Variants in HPN observed in about 807,000 individuals in gnomAD.
HPN encodes the protein serine protease hepsin.
A neutral mutation model predicts 55.9 loss-of-function variants in HPN; 13 were observed. The ratio of observed to expected loss-of-function variants is 0.23; its 90% CI spans 0.15 to 0.37. The LOEUF (loss-of-function observed/expected upper bound fraction) is 0.37, where lower values mean the gene tolerates loss of function less well. Ranked by LOEUF, HPN falls within the 10% of genes least tolerant of loss-of-function variation. HPN has a pLI of 1.00. For missense variants in HPN, 451 were observed against 575.8 expected (o/e 0.78, Z 2.22); for synonymous variants, 225 against 240.3 (o/e 0.94, Z 0.59).
chr19:35,059,907 G>A lies in HPN; in HGVS notation c.324G>A (p.Thr108=), dbSNP rs368366820. The change falls in exon 6 of 13, where the codon ACG becomes ACA. Residue 108 remains threonine (T), a synonymous_variant. Coordinates refer to ENST00000672452, the MANE Select transcript of HPN (RefSeq NM_001384133.1). Reference sequence around the variant, plus strand: ...CCCACTCCGAGCTGGACGTGCGAACGGCGGGCGCCAATGGCACGTCGGGCT... The same window carrying A: ...CCCACTCCGAGCTGGACGTGCGAACAGCGGGCGCCAATGGCACGTCGGGCT... ...ALTHSELDVR[T]AGANGTSGFF... 36 of 1,499,248 alleles carry A rather than the reference G, an allele frequency of 2.4e-5. No individual in the cohort carries two copies. Among genetic ancestry groups the A allele is most frequent in the African/African-American group, 2.4e-4 (17 of 71,732 alleles). The allele number at this position is 1,499,248 out of a possible 1,614,324, so 92.9% of individuals were successfully genotyped here.
At chr19:35,066,184 G>A in intron 12 of HPN, 65 bp from the exon 13 acceptor site, 2 of 1,613,858 alleles carry the variant, frequency 1.2e-6, no homozygotes, top group Non-Finnish European at 1.7e-6. Flanking sequence ...TCCTGGGGAA[G>A]GGAAGCCAGT....
chr19:35,042,797 A>C (rs771457011), intron 2 of HPN, among the ~76,000 whole-genome samples: 1 of 152,126 alleles, frequency 6.6e-6, no homozygotes, highest in Non-Finnish European at 1.5e-5. Flanking sequence ...CTAACTCTGG[A>C]CTTGTCCTCT....
Position 35,055,305 on chromosome 19 carries a change from G to A in HPN, c.161-4368G>A, listed in dbSNP as rs545759735. On this transcript the variant is annotated intron_variant, in intron 4 of 12. Transcript: ENST00000672452. ...CTAGCTACTTGGGAGGTTGAGGCGG[G>A]AGGATCGTTTGAGCCCAGGAGGTTG... Among the ~76,000 whole-genome samples, 13 of 152,126 alleles carry A rather than the reference G, an allele frequency of 8.5e-5. 1 individual carries two copies. The South Asian group carries it at 2.7e-3, about 32-fold the overall frequency.
chr19:35,050,407 C>G, intron 4 of HPN: 1 of 817,766 alleles, frequency 1.2e-6, no homozygotes, highest in East Asian at 6.7e-5. Flanking sequence ...CAGGCATGAG[C>G]CACTGCGCCT....
Position 35,065,258 on chromosome 19 carries a change from C to T in HPN, c.820C>T (p.Gln274Ter). ...CATTGTCTCTCTCACAGAATACATCCAGCCTGTGTGCCTCCCAGCTGCCGG... is the reference window on the plus strand; with the variant it reads ...CATTGTCTCTCTCACAGAATACATCTAGCCTGTGTGCCTCCCAGCTGCCGG... ...SSPLPLTEYI[Q>*]PVCLPAAGQA... Residue 274 changes from glutamine to a stop codon, truncating the protein, a stop_gained, in exon 10 of 13, where the codon CAG (glutamine) becomes TAG (stop). Transcript: ENST00000672452. LOFTEE classifies it high-confidence loss of function. The T allele has an allele frequency of 6.2e-7, 1 of 1,612,734 alleles. No individual in the cohort carries two copies. The highest frequency in any genetic ancestry group is 8.5e-7 in the Non-Finnish European group (1 of 1,179,212).
At chr19:35,048,082 A>AAGAAAAAAAAGG in intron 2 of HPN, among the ~76,000 whole-genome samples, 2 of 97,034 alleles carry the variant, frequency 2.1e-5, no homozygotes, top group East Asian at 6.3e-4. Context: ...GAAAGAAAGA[A>AAGAAAAAAAAGG]AAGGAAGGAA....
intron 4 of HPN, among the ~76,000 whole-genome samples, chr19:35,057,630 TAGAC>T (rs1405336590): frequency 1.3e-5 from 2 of 152,106 alleles, no homozygotes; most frequent in Non-Finnish European, 2.9e-5. Flanking sequence ...AAATTTCCAT[TAGAC>T]AGGAAAAATA....
chr19:35,060,271 G>A (rs2064513296), intron 7 of HPN, 76 bp from the exon 8 acceptor site: 2 of 1,606,628 alleles, frequency 1.2e-6, no homozygotes, highest in Non-Finnish European at 1.7e-6. Context: ...ACCCCCTAGG[G>A]CAGGGCCAAG....
At chr19:35,062,580 G>T (rs2064548675) in intron 9 of HPN, among the ~76,000 whole-genome samples, 2 of 152,010 alleles carry the variant, frequency 1.3e-5, no homozygotes, top group South Asian at 4.2e-4. Context: ...CAGGCCCTGG[G>T]CTTCAGATTT....
intron 9 of HPN, among the ~76,000 whole-genome samples, chr19:35,063,648 G>A (rs1356060347): frequency 2.0e-5 from 3 of 152,238 alleles, no homozygotes; most frequent in African/African-American, 7.2e-5. Flanking sequence ...GGTGGAGGTT[G>A]CAGTGAGCCA....
At chr19:35,061,543 G>A (rs1040157417) in intron 9 of HPN, among the ~76,000 whole-genome samples, 1 of 151,740 alleles carries the variant, frequency 6.6e-6, no homozygotes, top group Admixed American at 6.6e-5. Context: ...GCAGTGAGCC[G>A]AGATCACACC....
At chr19:35,049,668 C>CATAG in intron 4 of HPN, 152 bp downstream of exon 4, 13 of 755,050 alleles carry the variant, frequency 1.7e-5, no homozygotes, top group Non-Finnish European at 2.4e-5. Context: ...CTGCTATGTA[C>CATAG]CAGGCACTAT....
At chr19:35,042,324 G>A in intron 1 of HPN, 129 bp from the exon 2 acceptor site, 1 of 1,409,080 alleles carries the variant, frequency 7.1e-7, no homozygotes, top group Non-Finnish European at 9.2e-7. Context: ...CTGCGTCCGT[G>A]ATCACGGCGT....
chr19:35,056,699 T>C (rs1289267448), intron 4 of HPN, among the ~76,000 whole-genome samples: 1 of 152,176 alleles, frequency 6.6e-6, no homozygotes. Flanking sequence ...CCCTATAATG[T>C]GGTTTGCCGA....
At chr19:35,052,374 A>G (rs1465208592) in intron 4 of HPN, among the ~76,000 whole-genome samples, 1 of 152,024 alleles carries the variant, frequency 6.6e-6, no homozygotes, top group Non-Finnish European at 1.5e-5. Flanking sequence ...CTAAAAACAC[A>G]AAAATTGGCC....
upstream of HPN, among the ~76,000 whole-genome samples, chr19:35,040,912 G>A (rs1021013228): frequency 1.5e-4 from 23 of 152,310 alleles, no homozygotes; most frequent in African/African-American, 5.3e-4. Flanking sequence ...GGCCGGTTGT[G>A]CGGGTGGCCT....
In HPN at chr19:35,065,589, G is replaced by A. The variant is rs776101218; in HGVS notation, c.958G>A (p.Asp320Asn). The A allele has an allele frequency of 2.5e-6, 4 of 1,614,180 alleles. No individual in the cohort carries two copies. Among genetic ancestry groups the A allele is most frequent in the African/African-American group, 2.7e-5 (2 of 75,060 alleles). The change falls in exon 11 of 13, where the codon GAT (aspartate) becomes AAT (asparagine). Residue 320 changes from aspartate to asparagine, a missense_variant. Transcript: ENST00000672452. ...GGCTCGAGTCCCCATAATCAGCAAT[G>A]ATGTCTGCAATGGCGCTGACTTCTA... ...QEARVPIISN[D>N]VCNGADFYGN...
intron 2 of HPN, among the ~76,000 whole-genome samples, chr19:35,045,252 C>A (rs930726875): frequency 4.3e-4 from 66 of 152,042 alleles, no homozygotes; most frequent in African/African-American, 1.5e-3. Flanking sequence ...GAGGCTGCGG[C>A]CAGCCCTACA....
At chr19:35,058,515 T>A (rs1417330616) in intron 4 of HPN, among the ~76,000 whole-genome samples, 3 of 146,278 alleles carry the variant, frequency 2.1e-5, no homozygotes, top group Admixed American at 6.9e-5. Context: ...TAATAATATA[T>A]TAATATTATA....
Sources: allele counts gnomAD v4.1 joint callset (sites outside exome capture counted in the v4.1 genomes callset), GRCh38; gene constraint gnomAD v4.1.1; transcripts MANE v1.5; gene names NCBI Gene and HGNC (gene_info 2026-07-23, HGNC 2026-07-21).